The following MYBL1 variants were observed in gnomAD, a reference collection of about 807,000 sequenced individuals.
The protein encoded by MYBL1 is MYB proto-oncogene like 1, also known as myb-related protein A.
A neutral mutation model predicts 96.3 loss-of-function variants in MYBL1; 17 were observed. The observed-to-expected ratio is 0.18, with a 90% CI of 0.12 to 0.26. MYBL1 has a LOEUF of 0.26. Among genes scored for constraint, MYBL1 ranks in the 10% least tolerant of loss-of-function variants. The probability of loss-of-function intolerance (pLI) is 1.00; values close to 1 mark genes in which losing one functional copy is unlikely to be tolerated. For synonymous variants in MYBL1, 282 were observed against 292.7 expected, an observed-to-expected ratio of 0.96 and a Z score of 0.37; for missense variants, 701 against 882.9, an observed-to-expected ratio of 0.79 and a Z score of 2.61.
At position 66,564,396 on chromosome 8, in the gene MYBL1, T is replaced by C. The variant is rs1808422518; in HGVS notation, c.*301A>G. The C allele has an allele frequency of 5.5e-6, 1 of 182,132 alleles. No homozygotes were observed. The highest frequency in any genetic ancestry group is 2.4e-5 in the African/African-American group (1 of 42,392). 11.3% of individuals were successfully genotyped at this position (182,132 alleles called of 1,614,324 possible). A position where few individuals can be genotyped will look rare whatever the true frequency, so the allele number is the denominator to read the frequency against. ...CATCAAGAGAGTAGCAACATATATCTTGTGAAGAAAATATATGAGAATTTA... is the reference window on the plus strand; with the variant it reads ...CATCAAGAGAGTAGCAACATATATCCTGTGAAGAAAATATATGAGAATTTA... On this transcript the variant is annotated 3_prime_UTR_variant, in exon 16 of 16. Transcript: ENST00000522677.
At position 66,568,060 on chromosome 8, in the gene MYBL1, A is replaced by C. The variant is rs550129614; in HGVS notation, c.1729-1068T>G. On this transcript the variant is annotated intron_variant, in intron 12 of 15. Coordinates refer to ENST00000522677, the MANE Select transcript of MYBL1 (RefSeq NM_001080416.4). ...AGACTCCGTCTCAAAAAAAAAAAAA[A>C]AACAACAACAACAAAACAAAAAACA... Among the ~76,000 whole-genome samples the C allele has an allele frequency of 3.6e-3, 547 of 151,414 alleles. 3 individuals carry two copies. The highest frequency in any genetic ancestry group is 0.012 in the African/African-American group (497 of 41,068).
In MYBL1 at chr8:66,576,191, G is replaced by C. The variant is rs1808935798; in HGVS notation, c.1286C>G (p.Ala429Gly). 1 of 1,613,870 alleles carries C rather than the reference G, an allele frequency of 6.2e-7. No individual in the cohort carries two copies. Among genetic ancestry groups the C allele is most frequent in the African/African-American group, 1.3e-5 (1 of 74,926 alleles). The change falls in exon 10 of 16, where the codon GCT becomes GGT. Residue 429 changes from alanine (A) to glycine (G), a missense_variant. Ala to Gly is a moderately conservative substitution (Grantham distance 60). This residue lies in a region of MYBL1 where 396 missense variants were observed against 407.4 expected (regional missense o/e 0.97). Transcript: ENST00000522677. ...KNTCNGGNSE[A>G]VPLTSPNIAK... ...TATATTTGGGGATGTTAAAGGAACA[G>C]CTTCACTGTTGCCACCATTACAAGT...
Position 66,566,777 on chromosome 8 carries a change from A to C in MYBL1, c.1857T>G (p.Ser619=). The part of the protein sequence containing the change: ...YKSCKQENTA[S]GKKVRKSLVL... ...CTAGTGATTTTCTGACTTTCTTCCCAGAAGCGGTATTCTAGAATGAGTAAT... is the reference window on the plus strand; with the variant it reads ...CTAGTGATTTTCTGACTTTCTTCCCCGAAGCGGTATTCTAGAATGAGTAAT... The change falls in exon 14 of 16, where the codon TCT becomes TCG. Residue 619 remains serine, a synonymous_variant. Transcript: ENST00000522677. 1 of 1,609,292 alleles carries C rather than the reference A, an allele frequency of 6.2e-7. No individual in the cohort carries two copies. The highest frequency in any genetic ancestry group is 8.5e-7 in the Non-Finnish European group (1 of 1,176,538).
chr8:66,571,011 G>A (rs757586337), intron 12 of MYBL1, among the ~76,000 whole-genome samples: 7 of 152,226 alleles, frequency 4.6e-5, no homozygotes, highest in South Asian at 2.1e-4. Flanking sequence ...GAAGATGTGC[G>A]TGTGTAACAT....
intron 8 of MYBL1, among the ~76,000 whole-genome samples, chr8:66,582,963 C>T (rs1226075351): frequency 6.6e-6 from 1 of 152,074 alleles, no homozygotes; most frequent in Non-Finnish European, 1.5e-5. Flanking sequence ...AACAAAGAAA[C>T]AAACATTGGC....
chr8:66,608,405 A>T (rs1191846729), intron 1 of MYBL1, among the ~76,000 whole-genome samples: 1 of 152,108 alleles, frequency 6.6e-6, no homozygotes, highest in Non-Finnish European at 1.5e-5. Flanking sequence ...CCTAGAGTCT[A>T]CCTACTTCTT....
Position 66,595,767 on chromosome 8 carries a change from G to T in MYBL1, c.513-10C>A. The T allele has an allele frequency of 6.7e-7, 1 of 1,491,586 alleles. No homozygotes were observed. The highest frequency in any genetic ancestry group is 9.0e-7 in the Non-Finnish European group (1 of 1,113,438). The allele number at this position is 1,491,586 out of a possible 1,614,324, so 92.4% of individuals were successfully genotyped here. A position where few individuals can be genotyped will look rare whatever the true frequency, so the allele number is the denominator to read the frequency against. ...GATAGAATTATCAGTCCTAAGAAAGGAAAGGTATGATTTAAAAAGAAAAAA... is the reference window on the plus strand; with the variant it reads ...GATAGAATTATCAGTCCTAAGAAAGTAAAGGTATGATTTAAAAAGAAAAAA... On this transcript the variant is annotated splice_polypyrimidine_tract_variant and intron_variant, in intron 5 of 15. Coordinates refer to ENST00000522677, the MANE Select transcript of MYBL1 (RefSeq NM_001080416.4).
chr8:66,595,078 T>C (rs1341763078), intron 6 of MYBL1, among the ~76,000 whole-genome samples: 1 of 152,164 alleles, frequency 6.6e-6, no homozygotes, highest in African/African-American at 2.4e-5. Flanking sequence ...ATACCTACTT[T>C]AATGAATCAT....
intron 6 of MYBL1, among the ~76,000 whole-genome samples, chr8:66,595,163 AT>A (rs1475837749): frequency 6.6e-6 from 1 of 152,172 alleles, no homozygotes; most frequent in Non-Finnish European, 1.5e-5. Flanking sequence ...GCAAAATCCA[AT>A]TAATTACCAC....
intron 5 of MYBL1, among the ~76,000 whole-genome samples, chr8:66,597,028 C>T (rs534787178): frequency 5.8e-4 from 88 of 152,162 alleles, no homozygotes; most frequent in African/African-American, 2.0e-3. Flanking sequence ...CAAAGGGGGT[C>T]TCACTTGATT....
intron 12 of MYBL1, among the ~76,000 whole-genome samples, chr8:66,567,857 A>T (rs1808567784): frequency 6.6e-6 from 1 of 151,892 alleles, no homozygotes; most frequent in African/African-American, 2.4e-5. Flanking sequence ...AAGTCAAGAG[A>T]TCATGATCAT....
At chr8:66,599,655 C>G (rs1312337843) in intron 3 of MYBL1, among the ~76,000 whole-genome samples, 4 of 152,050 alleles carry the variant, frequency 2.6e-5, no homozygotes, top group Admixed American at 2.6e-4. Context: ...ACAAAATTAG[C>G]CGGATGTGGT....
At chr8:66,608,466 T>G (rs1189258709) in intron 1 of MYBL1, among the ~76,000 whole-genome samples, 1 of 152,070 alleles carries the variant, frequency 6.6e-6, no homozygotes, top group Non-Finnish European at 1.5e-5. Flanking sequence ...GAAAAGACAA[T>G]GTTAACTTTC....
intron 10 of MYBL1, among the ~76,000 whole-genome samples, chr8:66,575,515 G>A (rs1181211324): frequency 2.0e-5 from 3 of 152,182 alleles, no homozygotes; most frequent in African/African-American, 7.2e-5. Context: ...GTAGAACCGG[G>A]AGCAGTGGCT....
chr8:66,597,242 T>A, intron 5 of MYBL1, 88 bp downstream of exon 5: 1 of 932,234 alleles, frequency 1.1e-6, no homozygotes, highest in East Asian at 2.8e-5. Context: ...AAAAAATAAG[T>A]CATCGGGGAC....
At chr8:66,575,489 T>C (rs1314094220) in intron 10 of MYBL1, among the ~76,000 whole-genome samples, 1 of 152,112 alleles carries the variant, frequency 6.6e-6, no homozygotes, top group African/African-American at 2.4e-5. Context: ...CTCTAAAAAC[T>C]GTAGTATAAT....
chr8:66,587,112 A>G (rs905072601), intron 8 of MYBL1, among the ~76,000 whole-genome samples: 1 of 152,162 alleles, frequency 6.6e-6, no homozygotes, highest in Non-Finnish European at 1.5e-5. Flanking sequence ...GTACAACTAG[A>G]GAGGAGGAGT....
In MYBL1 at chr8:66,588,791, G is replaced by A. The variant is rs139954962; in HGVS notation, c.867+3649C>T. ...AATCCCAACACTTTGGGAGGCCAAG[G>A]CAGGTGGATCACGAGGTCAGGAAAT... On this transcript the variant is annotated intron_variant, in intron 8 of 15. Coordinates refer to ENST00000522677, the MANE Select transcript of MYBL1 (RefSeq NM_001080416.4). Among the ~76,000 whole-genome samples the A allele has an allele frequency of 7.6e-3, 1,163 of 152,308 alleles. 50 individuals carry two copies. Among genetic ancestry groups the A allele is most frequent in the East Asian group, 0.01 (52 of 5,182 alleles).
chr8:66,566,999 T>C lies in MYBL1; in HGVS notation c.1729-7A>G. 6.3e-7 allele frequency: 1 copy of C among 1,597,870 alleles called. No individual in the cohort carries two copies. Among genetic ancestry groups the C allele is most frequent in the Non-Finnish European group, 8.5e-7 (1 of 1,169,940 alleles). ...AGAAAGCAAGTGGCTGGGACTAAAT[T>C]GTTTTTTAAAATGTTGTAAAAAGTC... On this transcript the variant is annotated splice_region_variant and splice_polypyrimidine_tract_variant and intron_variant, in intron 12 of 15. Coordinates refer to ENST00000522677, the MANE Select transcript of MYBL1 (RefSeq NM_001080416.4).
Sources: allele counts gnomAD v4.1 joint callset (sites outside exome capture counted in the v4.1 genomes callset), GRCh38; gene constraint gnomAD v4.1.1; regional missense constraint gnomAD v4.1.1; transcripts MANE v1.5; gene names NCBI Gene and HGNC (gene_info 2026-07-23, HGNC 2026-07-21).